The following SCUBE1 variants were observed in gnomAD, a reference collection of about 807,000 sequenced individuals.
The protein encoded by SCUBE1 is signal peptide, CUB domain and EGF like domain containing 1, also known as signal peptide, CUB and EGF-like domain-containing protein 1.
In SCUBE1, 59 loss-of-function variants were observed where a neutral mutation model predicts 124.4. The observed-to-expected ratio is 0.47, with a 90% CI of 0.38 to 0.59. The LOEUF is 0.59. Ranked by LOEUF, SCUBE1 falls within the 20% of genes least tolerant of loss-of-function variation. SCUBE1 has a pLI of 0.00. For missense variants in SCUBE1, 1,150 were observed against 1,371.2 expected, an observed-to-expected ratio of 0.84 and a Z score of 2.55; for synonymous variants, 545 against 550.9, an observed-to-expected ratio of 0.99 and a Z score of 0.15.
rs145983542 is a variant in SCUBE1 at position 43,229,929 on chromosome 22, C to T, written c.968-741G>A. On this transcript the variant is annotated intron_variant, in intron 8 of 21. Transcript: ENST00000360835. ...TGGGGACCCCTGAAGGCAAAACAGA[C>T]GCCAACCTGCCCCTCCTTGGGCATA... Among the ~76,000 whole-genome samples, 1,330 of 152,296 alleles carry T rather than the reference C, an allele frequency of 8.7e-3. 11 individuals carry two copies. The highest frequency in any genetic ancestry group is 0.013 in the Non-Finnish European group (859 of 68,026).
At chr22:43,208,569 C>T (rs965585361) in intron 19 of SCUBE1, among the ~76,000 whole-genome samples, 4 of 152,134 alleles carry the variant, frequency 2.6e-5, no homozygotes, top group East Asian at 3.9e-4. Context: ...AACTGCTCCT[C>T]GGTGACAGGG....
chr22:43,334,084 G>C (rs764214354), intron 2 of SCUBE1, among the ~76,000 whole-genome samples: 3 of 152,190 alleles, frequency 2.0e-5, no homozygotes, highest in Non-Finnish European at 4.4e-5. Flanking sequence ...TCCAACCCCA[G>C]CCTTGGCAGA....
intron 7 of SCUBE1, among the ~76,000 whole-genome samples, chr22:43,232,761 C>T (rs146495567): frequency 9.8e-5 from 15 of 152,348 alleles, no homozygotes; most frequent in African/African-American, 1.9e-4. Flanking sequence ...GCCTGCTGGC[C>T]GATGCCTCAC....
intron 4 of SCUBE1, among the ~76,000 whole-genome samples, chr22:43,273,229 CTG>C (rs1263973072): frequency 6.6e-6 from 1 of 152,190 alleles, no homozygotes; most frequent in African/African-American, 2.4e-5. Context: ...AGAGCTGGGA[CTG>C]TGATTGGCTC....
intron 4 of SCUBE1, among the ~76,000 whole-genome samples, chr22:43,277,943 C>G (rs1924599462): frequency 6.6e-6 from 1 of 152,274 alleles, no homozygotes; most frequent in East Asian, 1.9e-4. Context: ...TCTCCCTGCC[C>G]TGCACCCACA....
chr22:43,317,565 G>T (rs1926395386), intron 3 of SCUBE1, among the ~76,000 whole-genome samples: 1 of 152,220 alleles, frequency 6.6e-6, no homozygotes, highest in Non-Finnish European at 1.5e-5. Flanking sequence ...CTACGGACAT[G>T]CTCCTGCCAA....
intron 3 of SCUBE1, among the ~76,000 whole-genome samples, chr22:43,298,237 C>T (rs746876061): frequency 2.0e-5 from 3 of 152,190 alleles, no homozygotes; most frequent in Non-Finnish European, 4.4e-5. Flanking sequence ...GAACACTCTC[C>T]GAGCTGTCAA....
chr22:43,324,845 T>C (rs1418215389), intron 2 of SCUBE1, among the ~76,000 whole-genome samples: 1 of 150,864 alleles, frequency 6.6e-6, no homozygotes, highest in African/African-American at 2.4e-5. Flanking sequence ...TGGATTAAAT[T>C]GTGTCCCCGC....
intron 1 of SCUBE1, among the ~76,000 whole-genome samples, chr22:43,340,398 A>G (rs1927271379): frequency 6.6e-6 from 1 of 151,942 alleles, no homozygotes; most frequent in African/African-American, 2.4e-5. Flanking sequence ...TCAGTCTGGA[A>G]CAGCTGTTGG....
intron 6 of SCUBE1, among the ~76,000 whole-genome samples, chr22:43,250,706 G>C (rs951914191): frequency 6.6e-6 from 1 of 152,166 alleles, no homozygotes; most frequent in East Asian, 1.9e-4. Flanking sequence ...ACGGGGCAGA[G>C]TGCAAGGCCC....
chr22:43,226,293 G>T (rs1002060791), intron 10 of SCUBE1, among the ~76,000 whole-genome samples: 1 of 152,306 alleles, frequency 6.6e-6, no homozygotes, highest in South Asian at 2.1e-4. Context: ...AGTGTGATGG[G>T]AGGGAAAGCA....
chr22:43,198,777 C>A lies in SCUBE1; in HGVS notation c.*5220G>T. ...CCTGTGGGGCATGCACTGTGGCAGG[C>A]AAGGTGAGCAGGCTGTCCAGGGCAG... On this transcript the variant is annotated 3_prime_UTR_variant, in exon 22 of 22. Transcript: ENST00000360835. 2.2e-6 allele frequency: 1 copy of A among 450,256 alleles called. No homozygotes were observed. Among genetic ancestry groups the A allele is most frequent in the South Asian group, 1.6e-5 (1 of 63,712 alleles). The allele number at this position is 450,256 out of a possible 1,614,324, so 27.9% of individuals were successfully genotyped here.
chr22:43,222,741 G>A lies in SCUBE1; in HGVS notation c.1329C>T (p.Asp443=). The change falls in exon 12 of 22, where the codon GAC becomes GAT. Residue 443 remains aspartate (D), a splice_region_variant and synonymous_variant. Coordinates refer to ENST00000360835, the MANE Select transcript of SCUBE1 (RefSeq NM_173050.5). ...AGCTCAGGACGTAGCTATTTTCCGA[G>A]TCTGCAGAGAAGCCGGTGGGTGAGG... ...SCPAHTLFVP[D]SENSYVLSCG... 2 of 1,597,750 alleles carry A rather than the reference G, an allele frequency of 1.3e-6. No individual in the cohort carries two copies. The highest frequency in any genetic ancestry group is 4.5e-5 in the East Asian group (2 of 44,300).
intron 3 of SCUBE1, among the ~76,000 whole-genome samples, chr22:43,308,292 C>T (rs1209944038): frequency 6.6e-6 from 1 of 152,094 alleles, no homozygotes; most frequent in African/African-American, 2.4e-5. Context: ...TCCAACTGAG[C>T]GTGTTTAGAG....
chr22:43,206,772 G>C (rs552864442), intron 21 of SCUBE1, among the ~76,000 whole-genome samples: 10 of 152,274 alleles, frequency 6.6e-5, no homozygotes, highest in African/African-American at 2.2e-4. Context: ...GTTTGGGAGC[G>C]ATGCTCCCAG....
chr22:43,258,848 C>G lies in SCUBE1; in HGVS notation c.611-513G>C, dbSNP rs1266341348. ...GTGGATGTCTCCACGGAGGTCCCCC[C>G]TCAGAGTCCCAGGGGCCACCTCAAA... On this transcript the variant is annotated intron_variant, in intron 5 of 21. Coordinates refer to ENST00000360835, the MANE Select transcript of SCUBE1 (RefSeq NM_173050.5). This position sits in a 1 kb window ranked among gnomAD's most constrained non-coding sequence, Gnocchi z 5.0. Among the ~76,000 whole-genome samples the G allele has an allele frequency of 6.6e-6, 1 of 152,142 alleles. No homozygotes were observed. The highest frequency in any genetic ancestry group is 2.4e-5 in the African/African-American group (1 of 41,424).
Position 43,291,178 on chromosome 22 carries a change from C to T in SCUBE1, c.352G>A (p.Val118Met). 6.2e-7 allele frequency: 1 copy of T among 1,605,066 alleles called. No individual in the cohort carries two copies. Among genetic ancestry groups the T allele is most frequent in the East Asian group, 2.2e-5 (1 of 44,528 alleles). ...CCATTATTGTCCTGACACTCGTCCA[C>T]ATCTGTGAGAAAAGGAAGAGAAGGG... ...LAHDGHNCLDVDECQDNNGGC... is the reference protein window; with the variant it reads ...LAHDGHNCLDMDECQDNNGGC... The change falls in exon 4 of 22, where the codon GTG (valine) becomes ATG (methionine). Residue 118 changes from valine (V) to methionine (M), a missense_variant and splice_region_variant. Val to Met is a conservative substitution (Grantham distance 21). This residue lies in a region of SCUBE1 where 337 missense variants were observed against 482.1 expected (regional missense o/e 0.70). Transcript: ENST00000360835.
At chr22:43,333,536 A>C (rs976707465) in intron 2 of SCUBE1, among the ~76,000 whole-genome samples, 2 of 152,220 alleles carry the variant, frequency 1.3e-5, no homozygotes, top group African/African-American at 2.4e-5. Context: ...AGAAGTTTCA[A>C]GGTGACCTGG....
chr22:43,306,097 G>A (rs1239734055), intron 3 of SCUBE1, among the ~76,000 whole-genome samples: 4 of 152,134 alleles, frequency 2.6e-5, no homozygotes, highest in African/African-American at 4.8e-5. Flanking sequence ...CCCAGCAAAC[G>A]TCCAGGGCGA....
Sources: gnomAD v4.1 joint callset for allele counts (sites outside exome capture counted in the v4.1 genomes callset) on GRCh38, gnomAD v4.1.1 for gene constraint, gnomAD v4.1.1 regional missense constraint, Gnocchi (gnomAD v3.1) non-coding constraint, MANE v1.5 for transcripts, NCBI Gene and HGNC (gene_info 2026-07-23, HGNC 2026-07-21) for gene names.